Variants in OPHN1 observed in about 807,000 individuals in gnomAD.
OPHN1 encodes the protein oligophrenin 1.
A neutral mutation model predicts 60.7 loss-of-function variants in OPHN1; 11 were observed. The observed-to-expected ratio is 0.18, with a 90% CI of 0.11 to 0.30. OPHN1 has a LOEUF of 0.30. OPHN1 is among the 10% of genes least tolerant of loss of function. The pLI is 1.00. For synonymous variants in OPHN1, 226 were observed against 222.6 expected (o/e 1.02, Z -0.14); for missense variants, 449 against 611.0 (o/e 0.73, Z 2.80).
At chrX:68,170,169 A>G (rs1447551567) in intron 15 of OPHN1, among the ~76,000 whole-genome samples, 1 of 109,415 alleles carries the variant, frequency 9.1e-6, no homozygotes, top group Non-Finnish European at 1.9e-5. Flanking sequence ...CAGCCAAAAA[A>G]CACATGAAAA....
chrX:68,267,979 A>G (rs2077941656), intron 5 of OPHN1, among the ~76,000 whole-genome samples: 1 of 111,796 alleles, frequency 8.9e-6, no homozygotes, highest in South Asian at 3.8e-4. Flanking sequence ...CCAAGACTAA[A>G]CCAGGAAGGA....
Position 68,052,550 on chromosome X carries a change from T to G in OPHN1, c.2365A>C (p.Lys789Gln), listed in dbSNP as rs1227630759. The change falls in exon 23 of 25, where the codon AAA (lysine) becomes CAA (glutamine). Residue 789 changes from lysine to glutamine, a missense_variant. Around this residue, in one of 4 missense-constraint regions of OPHN1, gnomAD observed 184 missense variants for 160.5 expected, o/e 1.15. Coordinates refer to ENST00000355520, the MANE Select transcript of OPHN1 (RefSeq NM_002547.3). Reference sequence around the variant, plus strand: ...ACCTCCATATCTTACCTTCCTGTTTTCCGGGAAGCTGTTTCAAAAAACCTG... The same window carrying G: ...ACCTCCATATCTTACCTTCCTGTTTGCCGGGAAGCTGTTTCAAAAAACCTG... ...RTRFFETASR[K>Q]TGSSQGRLPG... 2 of 1,206,859 alleles carry G rather than the reference T, an allele frequency of 1.7e-6. No homozygotes were observed. Among genetic ancestry groups the G allele is most frequent in the Non-Finnish European group, 2.2e-6 (2 of 892,840 alleles).
intron 2 of OPHN1, among the ~76,000 whole-genome samples, chrX:68,362,730 A>G (rs769303032): frequency 1.6e-4 from 18 of 111,155 alleles, no homozygotes; most frequent in African/African-American, 5.9e-4. Flanking sequence ...ACATGTCACT[A>G]CGCATTTGTC....
chrX:68,101,910 A>T (rs954825144), intron 18 of OPHN1, among the ~76,000 whole-genome samples: 1 of 112,387 alleles, frequency 8.9e-6, no homozygotes, highest in Non-Finnish European at 1.9e-5. Flanking sequence ...GAATCCATCT[A>T]GCCTTTAGAT....
At chrX:68,052,795 C>A (rs1206418989) in intron 22 of OPHN1, among the ~76,000 whole-genome samples, 2 of 112,170 alleles carry the variant, frequency 1.8e-5, no homozygotes, top group African/African-American at 6.5e-5. Context: ...ACTCTTTATC[C>A]CCATTGCTTC....
At chrX:68,127,739 G>T (rs749282148) in intron 15 of OPHN1, among the ~76,000 whole-genome samples, 72 of 111,929 alleles carry the variant, frequency 6.4e-4, no homozygotes, top group Non-Finnish European at 8.5e-4. Context: ...TTATCATTTG[G>T]TCAGAGTGTC....
At chrX:68,386,156 T>G (rs958944647) in intron 2 of OPHN1, among the ~76,000 whole-genome samples, 1 of 112,204 alleles carries the variant, frequency 8.9e-6, no homozygotes, top group African/African-American at 3.2e-5. Flanking sequence ...AAAATTCTAA[T>G]TCCAAGGACT....
chrX:68,353,409 A>G (rs59192526), intron 2 of OPHN1, among the ~76,000 whole-genome samples: 5,790 of 78,845 alleles, frequency 0.073, 512 homozygotes, highest in African/African-American at 0.28. Context: ...TCTCTACAGG[A>G]AAAAAAAAAA....
At chrX:68,064,884 G>A (rs1303016247) in intron 20 of OPHN1, among the ~76,000 whole-genome samples, 1 of 111,790 alleles carries the variant, frequency 8.9e-6, no homozygotes, top group Admixed American at 9.5e-5. Context: ...TAAAGAAATT[G>A]TCACCTTCCA....
chrX:68,064,109 G>A lies in OPHN1; in HGVS notation c.1903C>T (p.His635Tyr). ...CTCCTCTGAATAGGTAGTTTGGGGT[G>A]TTGTGGTGGCTTGGGGGGTTCTATG... ...SSIEPPKPPQ[H>Y]PKLPIQRSGE... is the part of the protein sequence containing the mutation. The change falls in exon 21 of 25, where the codon CAC becomes TAC. Residue 635 changes from histidine to tyrosine, a missense_variant. Coordinates refer to ENST00000355520, the MANE Select transcript of OPHN1 (RefSeq NM_002547.3). 2 of 1,210,548 alleles carry A rather than the reference G, an allele frequency of 1.7e-6. No individual in the cohort carries two copies. Among genetic ancestry groups the A allele is most frequent in the Non-Finnish European group, 2.2e-6 (2 of 894,870 alleles).
At chrX:68,224,620 T>C (rs1031281857) in intron 6 of OPHN1, among the ~76,000 whole-genome samples, 11 of 112,787 alleles carry the variant, frequency 9.8e-5, no homozygotes, top group East Asian at 2.8e-4. Context: ...ATGAAATGCA[T>C]ATAATAGAAT....
chrX:68,433,727 T>G (rs1408854250), upstream of OPHN1: 2 of 295,806 alleles, frequency 6.8e-6, no homozygotes, highest in African/African-American at 5.5e-5. Context: ...CCGGAAGGGT[T>G]AAGCCAGGGC....
chrX:68,242,482 T>C (rs1217908102), intron 5 of OPHN1, among the ~76,000 whole-genome samples: 1 of 111,632 alleles, frequency 9.0e-6, no homozygotes, highest in Non-Finnish European at 1.9e-5. Flanking sequence ...GAAAGTAAAA[T>C]GGTACAGGCA....
intron 6 of OPHN1, among the ~76,000 whole-genome samples, chrX:68,217,012 C>T (rs903250658): frequency 5.4e-5 from 6 of 111,812 alleles, no homozygotes; most frequent in Non-Finnish European, 7.5e-5. Flanking sequence ...TTCCATCTGA[C>T]ATACCGGGTT....
intron 15 of OPHN1, among the ~76,000 whole-genome samples, chrX:68,138,364 T>C (rs181138932): frequency 1.8e-5 from 2 of 112,389 alleles, no homozygotes; most frequent in East Asian, 5.6e-4. Flanking sequence ...GGCAATGTGA[T>C]ATATGAGTTT....
intron 18 of OPHN1, among the ~76,000 whole-genome samples, chrX:68,097,670 T>C: frequency 9.0e-6 from 1 of 111,593 alleles, no homozygotes; most frequent in Non-Finnish European, 1.9e-5. Flanking sequence ...AGTGGCTTCC[T>C]ACTTTGGGAT....
chrX:68,150,798 T>C (rs1190868756), intron 15 of OPHN1, among the ~76,000 whole-genome samples: 2 of 111,934 alleles, frequency 1.8e-5, no homozygotes, highest in Non-Finnish European at 3.8e-5. Context: ...CAGAAAAATT[T>C]GTACGGAAGA....
chrX:68,251,210 C>T (rs1308191151), intron 5 of OPHN1, among the ~76,000 whole-genome samples: 3 of 58,230 alleles, frequency 5.2e-5, no homozygotes, highest in South Asian at 1.2e-3. Context: ...TTTTTGGAAA[C>T]GGAGTCTCAC....
chrX:68,064,628 G>A (rs750933662), intron 20 of OPHN1, among the ~76,000 whole-genome samples: 14 of 111,612 alleles, frequency 1.3e-4, no homozygotes, highest in Non-Finnish European at 2.6e-4. Flanking sequence ...TCTCCAACCC[G>A]GAAGGAAACC....
Sources: gnomAD v4.1 joint callset for allele counts (sites outside exome capture counted in the v4.1 genomes callset) on GRCh38, gnomAD v4.1.1 for gene constraint, gnomAD v4.1.1 regional missense constraint, MANE v1.5 for transcripts, NCBI Gene and HGNC (gene_info 2026-07-23, HGNC 2026-07-21) for gene names.